Variants in CCDC149 observed in about 807,000 individuals in gnomAD.
CCDC149 encodes the protein coiled-coil domain-containing protein 149.
CCDC149 carries 45 observed loss-of-function variants against 59.9 expected under a neutral mutation model. The observed-to-expected ratio is 0.75, with a 90% CI of 0.59 to 0.96. CCDC149 has a LOEUF of 0.96. Ranked by LOEUF, CCDC149 falls within the 40% of genes least tolerant of loss-of-function variation. The pLI is 0.00. For missense variants in CCDC149, 584 were observed against 664.7 expected (o/e 0.88, Z 1.33); for synonymous variants, 245 against 260.6 (o/e 0.94, Z 0.58).
chr4:24,855,104 G>A (rs1662498841), intron 3 of CCDC149, among the ~76,000 whole-genome samples: 2 of 152,144 alleles, frequency 1.3e-5, no homozygotes, highest in South Asian at 4.1e-4. Context: ...GAACTTCGTT[G>A]TCTCTACTGA....
In CCDC149 at chr4:24,921,464, C is replaced by T. The variant is rs114695490; in HGVS notation, c.-64-26346G>A. 2.7e-3 allele frequency among the ~76,000 whole-genome samples: 412 copies of T among 152,402 alleles called. 4 individuals carry two copies. The highest frequency in any genetic ancestry group is 9.6e-3 in the African/African-American group (398 of 41,604). On this transcript the variant is annotated intron_variant, in intron 1 of 12. Transcript: ENST00000389609. ...CATGGCCCAGGAGCCTCCCTCATGA[C>T]TGAGAGCTCTCTATGGCTCTCCTAC...
chr4:24,808,224 G>A lies in CCDC149; in HGVS notation c.*165C>T. On this transcript the variant is annotated 3_prime_UTR_variant, in exon 13 of 13. Transcript: ENST00000635206. Reference sequence around the variant, plus strand: ...TACATTTAATAAATCAAACTGTACTGGCATCATCAGAATATTCACAGTTTG... The same window carrying A: ...TACATTTAATAAATCAAACTGTACTAGCATCATCAGAATATTCACAGTTTG... 1 of 546,356 alleles carries A rather than the reference G, an allele frequency of 1.8e-6. No individual in the cohort carries two copies. The highest frequency in any genetic ancestry group is 3.0e-6 in the Non-Finnish European group (1 of 327,942). The allele number at this position is 546,356 out of a possible 1,614,324, so 33.8% of individuals were successfully genotyped here. A position where few individuals can be genotyped will look rare whatever the true frequency, so the allele number is the denominator to read the frequency against.
chr4:24,850,012 C>G (rs1374549074), intron 4 of CCDC149, among the ~76,000 whole-genome samples: 1 of 152,194 alleles, frequency 6.6e-6, no homozygotes, highest in Non-Finnish European at 1.5e-5. Flanking sequence ...GGTTAGTCCC[C>G]CCTCTGTTGG....
At chr4:24,895,049 G>C in intron 1 of CCDC149, 1 of 1,523,798 alleles carries the variant, frequency 6.6e-7, no homozygotes, top group Non-Finnish European at 8.8e-7. Context: ...CGACGATGAC[G>C]ACCATGATGG....
At position 24,813,495 on chromosome 4, in the gene CCDC149, T is replaced by TATATATATATATATATAC. The variant is rs1560197531; in HGVS notation, c.1193-4677_1193-4676insGTATATATATATATATAT. On this transcript the variant is annotated intron_variant, in intron 12 of 12. Coordinates refer to ENST00000635206, the MANE Select transcript of CCDC149 (RefSeq NM_001330643.2). ...CCCAAGGTTCAGCTTGGGGAATATATATATATATATATATATATATATATA... is the reference window on the plus strand; with the variant it reads ...CCCAAGGTTCAGCTTGGGGAATATATATATATATATATATATACATATATATATATATATATATATATA... 1.6e-3 allele frequency among the ~76,000 whole-genome samples: 21 copies of TATATATATATATATATAC among 12,994 alleles called. 1 individual carries two copies. The highest frequency in any genetic ancestry group is 3.1e-3 in the African/African-American group (18 of 5,874). 8.5% of individuals were successfully genotyped at this position (12,994 alleles called of 152,430 possible).
intron 1 of CCDC149, among the ~76,000 whole-genome samples, chr4:24,887,402 C>A (rs1358370871): frequency 6.6e-6 from 1 of 152,016 alleles, no homozygotes; most frequent in African/African-American, 2.4e-5. Context: ...GCCTGCTAAT[C>A]CAGACAGAGT....
chr4:24,804,486 C>CAAA (rs397796144), downstream of CCDC149, among the ~76,000 whole-genome samples: 218 of 55,432 alleles, frequency 3.9e-3, no homozygotes, highest in Non-Finnish European at 4.6e-3. Context: ...GTGAGACTCT[C>CAAA]AAAAAAAAAA....
intron 1 of CCDC149, among the ~76,000 whole-genome samples, chr4:24,950,483 C>T (rs1394314662): frequency 6.6e-6 from 1 of 152,136 alleles, no homozygotes; most frequent in Non-Finnish European, 1.5e-5. Flanking sequence ...CGAGTGGACT[C>T]GGGGGTGGGA....
chr4:24,973,579 T>G (rs1182371320), intron 1 of CCDC149, among the ~76,000 whole-genome samples: 3 of 152,162 alleles, frequency 2.0e-5, no homozygotes, highest in Admixed American at 2.0e-4. Context: ...GGAGAAAACA[T>G]GCTTGAGAGT....
At chr4:24,963,800 T>C (rs981397904) in intron 1 of CCDC149, among the ~76,000 whole-genome samples, 1 of 152,234 alleles carries the variant, frequency 6.6e-6, no homozygotes, top group African/African-American at 2.4e-5. Flanking sequence ...GAAAATGCTT[T>C]AACAAGCAAT....
rs563610766 is a variant in CCDC149, at chr4:24,825,518, A to G, written c.966-2945T>C. Among the ~76,000 whole-genome samples the G allele has an allele frequency of 2.0e-5, 3 of 152,280 alleles. 1 individual carries two copies. In the South Asian group the frequency reaches 6.2e-4, roughly 32 times the overall value. ...GCCGGGCATGGGGGTTCACGCCTGTAATCCCAGCACTTTGGGAGGACGAGG... is the reference window on the plus strand; with the variant it reads ...GCCGGGCATGGGGGTTCACGCCTGTGATCCCAGCACTTTGGGAGGACGAGG... On this transcript the variant is annotated intron_variant, in intron 9 of 12. Transcript: ENST00000635206.
At chr4:24,833,557 G>C (rs528843827) in intron 8 of CCDC149, among the ~76,000 whole-genome samples, 3 of 152,272 alleles carry the variant, frequency 2.0e-5, no homozygotes, top group African/African-American at 7.2e-5. Context: ...CTGGGAGGCA[G>C]GGGTTGCAGT....
chr4:24,819,443 C>T (rs1715221150), intron 12 of CCDC149, among the ~76,000 whole-genome samples: 1 of 152,234 alleles, frequency 6.6e-6, no homozygotes, highest in South Asian at 2.1e-4. Context: ...GCCTCAGCCT[C>T]CTGAGTAGCT....
intron 1 of CCDC149, among the ~76,000 whole-genome samples, chr4:24,937,206 G>C (rs141335639): frequency 6.6e-6 from 1 of 152,336 alleles, no homozygotes; most frequent in East Asian, 1.9e-4. Context: ...GGCTGGGAAA[G>C]AGACAGGAAT....
chr4:24,877,475 T>G (rs1719535134), intron 1 of CCDC149, among the ~76,000 whole-genome samples: 1 of 152,076 alleles, frequency 6.6e-6, no homozygotes. Flanking sequence ...TGAGCCACCA[T>G]GCCTGGCCCA....
At chr4:24,883,525 G>A (rs2109265924) in intron 1 of CCDC149, among the ~76,000 whole-genome samples, 1 of 152,190 alleles carries the variant, frequency 6.6e-6, no homozygotes, top group Middle Eastern at 3.4e-3. Flanking sequence ...TTTTGAGAGT[G>A]AGTAGGTGTA....
intron 4 of CCDC149, among the ~76,000 whole-genome samples, chr4:24,846,483 A>T (rs934538219): frequency 2.0e-5 from 3 of 152,212 alleles, no homozygotes; most frequent in Admixed American, 2.0e-4. Flanking sequence ...GGACCATGAC[A>T]AACATCCACA....
intron 1 of CCDC149, among the ~76,000 whole-genome samples, chr4:24,935,272 A>G (rs144760355): frequency 1.3e-5 from 2 of 152,314 alleles, no homozygotes; most frequent in African/African-American, 4.8e-5. Context: ...GGACTAGACA[A>G]CCGTGTTAAT....
intron 1 of CCDC149, among the ~76,000 whole-genome samples, chr4:24,952,713 A>T (rs1189582326): frequency 6.9e-6 from 1 of 144,680 alleles, no homozygotes; most frequent in African/African-American, 2.6e-5. Context: ...ACCATTTTTA[A>T]GTGTGCAATT....
Sources: allele counts gnomAD v4.1 joint callset (sites outside exome capture counted in the v4.1 genomes callset), GRCh38; gene constraint gnomAD v4.1.1; transcripts MANE v1.5; gene names NCBI Gene and HGNC (gene_info 2026-07-23, HGNC 2026-07-21).